KCNH1: variants seen among roughly 807,000 people sequenced by gnomAD.
KCNH1 encodes the protein potassium voltage-gated channel subfamily H member 1, also known as voltage-gated delayed rectifier potassium channel KCNH1.
In KCNH1, 27 loss-of-function variants were observed where a neutral mutation model predicts 69.2. That is an observed-to-expected ratio of 0.39 (90% CI 0.29 to 0.54). The LOEUF is 0.54. Among genes scored for constraint, KCNH1 ranks in the 20% least tolerant of loss-of-function variants. KCNH1 has a pLI of 0.68. For missense variants in KCNH1, 798 were observed against 1,261.6 expected (o/e 0.63, Z 5.57); for synonymous variants, 456 against 487.7 (o/e 0.93, Z 0.86).
chr1:211,105,365 A>T (rs1347565012), intron 2 of KCNH1, among the ~76,000 whole-genome samples: 1 of 152,212 alleles, frequency 6.6e-6, no homozygotes, highest in Non-Finnish European at 1.5e-5. Flanking sequence ...TGTAAAGTTG[A>T]ATCTTCAAAT....
intron 10 of KCNH1, among the ~76,000 whole-genome samples, chr1:210,752,430 G>A (rs12566234): frequency 0.028 from 4,210 of 152,260 alleles, 120 homozygotes; most frequent in East Asian, 0.14. Flanking sequence ...GAGTTCCACT[G>A]GTTTCTATGT....
chr1:210,800,630 A>G (rs1684408554), intron 8 of KCNH1, among the ~76,000 whole-genome samples: 1 of 152,064 alleles, frequency 6.6e-6, no homozygotes, highest in Non-Finnish European at 1.5e-5. Flanking sequence ...TTGGCTCCAC[A>G]CTGAGGTGGG....
At chr1:210,932,943 A>G (rs1687702866) in intron 6 of KCNH1, among the ~76,000 whole-genome samples, 1 of 152,210 alleles carries the variant, frequency 6.6e-6, no homozygotes, top group Non-Finnish European at 1.5e-5. Context: ...TCAGCATTAT[A>G]TTTAATTTTA....
At chr1:211,119,899 A>G (rs1691656874) in intron 1 of KCNH1, among the ~76,000 whole-genome samples, 1 of 152,240 alleles carries the variant, frequency 6.6e-6, no homozygotes, top group Non-Finnish European at 1.5e-5. Context: ...TACCTCATTT[A>G]CTGGGTAGTT....
chr1:210,875,618 C>T (rs977669068), intron 7 of KCNH1, among the ~76,000 whole-genome samples: 1 of 152,048 alleles, frequency 6.6e-6, no homozygotes, highest in African/African-American at 2.4e-5. Flanking sequence ...GCCTGACCAA[C>T]ATGGTGAACC....
chr1:210,781,788 C>T (rs962257732), intron 9 of KCNH1, among the ~76,000 whole-genome samples: 1 of 152,228 alleles, frequency 6.6e-6, no homozygotes, highest in Non-Finnish European at 1.5e-5. Flanking sequence ...GCCCTCAACA[C>T]GTTTTCCAAG....
intron 10 of KCNH1, among the ~76,000 whole-genome samples, chr1:210,701,692 A>T (rs1227921677): frequency 1.3e-5 from 2 of 151,148 alleles, no homozygotes; most frequent in East Asian, 3.9e-4. Flanking sequence ...TATTTCACAT[A>T]TTTGAATACC....
At chr1:210,894,696 A>G (rs1686826892) in intron 7 of KCNH1, among the ~76,000 whole-genome samples, 1 of 152,126 alleles carries the variant, frequency 6.6e-6, no homozygotes, top group Middle Eastern at 3.2e-3. Flanking sequence ...GAGTATCTTT[A>G]TTATAAAAAT....
At chr1:211,014,031 A>G (rs1040122223) in intron 6 of KCNH1, among the ~76,000 whole-genome samples, 5 of 152,214 alleles carry the variant, frequency 3.3e-5, no homozygotes, top group African/African-American at 1.2e-4. Context: ...TGTCAGCTGC[A>G]TCACTGGCAC....
intron 10 of KCNH1, among the ~76,000 whole-genome samples, chr1:210,725,244 T>C (rs1574213179): frequency 6.6e-6 from 1 of 152,322 alleles, no homozygotes; most frequent in African/African-American, 2.4e-5. Context: ...CTGTCAGAAT[T>C]ACCTATGAAA....
intron 7 of KCNH1, among the ~76,000 whole-genome samples, chr1:210,820,325 G>C (rs945094787): frequency 7.2e-5 from 11 of 152,092 alleles, no homozygotes; most frequent in Admixed American, 3.9e-4. Context: ...CTATGACTAT[G>C]TTACTTTACA....
intron 10 of KCNH1, among the ~76,000 whole-genome samples, chr1:210,768,310 G>T (rs1306261509): frequency 6.6e-6 from 1 of 152,106 alleles, no homozygotes; most frequent in East Asian, 1.9e-4. Context: ...ATAAAATAGG[G>T]CCTAGAGAGG....
At chr1:210,717,069 C>T (rs1558437195) in intron 10 of KCNH1, among the ~76,000 whole-genome samples, 2 of 152,288 alleles carry the variant, frequency 1.3e-5, no homozygotes, top group East Asian at 3.9e-4. Flanking sequence ...TTTCTAAAAT[C>T]ACTTAGCTTT....
chr1:210,762,442 G>A (rs1683541798), intron 10 of KCNH1, among the ~76,000 whole-genome samples: 1 of 152,096 alleles, frequency 6.6e-6, no homozygotes, highest in Non-Finnish European at 1.5e-5. Context: ...CAGAAGGTTG[G>A]TTCTTCGAAA....
intron 9 of KCNH1, among the ~76,000 whole-genome samples, chr1:210,790,818 C>T (rs1684198115): frequency 6.6e-6 from 1 of 152,162 alleles, no homozygotes; most frequent in South Asian, 2.1e-4. Context: ...TGTAATAGTG[C>T]CATGCTTTAC....
intron 5 of KCNH1, among the ~76,000 whole-genome samples, chr1:211,034,819 C>CT (rs1445642697): frequency 6.6e-6 from 1 of 152,120 alleles, no homozygotes; most frequent in Non-Finnish European, 1.5e-5. Context: ...AGCAAGAACT[C>CT]AAAAGAATCC....
intron 5 of KCNH1, among the ~76,000 whole-genome samples, chr1:211,061,126 T>A (rs114269364): frequency 0.012 from 1,781 of 152,262 alleles, 38 homozygotes; most frequent in African/African-American, 0.04. Context: ...CAAGAGAGAT[T>A]TATGCCAGGG....
intron 9 of KCNH1, among the ~76,000 whole-genome samples, chr1:210,780,790 G>A (rs1574251556): frequency 6.6e-6 from 1 of 152,232 alleles, no homozygotes; most frequent in Admixed American, 6.5e-5. Context: ...GCTCACGCCT[G>A]TAATCCCAGC....
At chr1:210,980,300 A>G (rs1688685552) in intron 6 of KCNH1, among the ~76,000 whole-genome samples, 1 of 152,228 alleles carries the variant, frequency 6.6e-6, no homozygotes, top group African/African-American at 2.4e-5. Context: ...TGTAAGGCCC[A>G]TAATCAGAAA....
Sources: gnomAD v4.1 joint callset for allele counts (sites outside exome capture counted in the v4.1 genomes callset) on GRCh38, gnomAD v4.1.1 for gene constraint, MANE v1.5 for transcripts, NCBI Gene and HGNC (gene_info 2026-07-23, HGNC 2026-07-21) for gene names.